Variants in CLASP2 observed in about 807,000 individuals in gnomAD.
CLASP2 encodes CLIP-associating protein 2.
Under a neutral mutation model 194.4 loss-of-function variants are expected in CLASP2, and 47 were observed. That is an observed-to-expected ratio of 0.24 (90% CI 0.19 to 0.31). CLASP2 has a LOEUF of 0.31. Ranked by LOEUF, CLASP2 falls within the 10% of genes least tolerant of loss-of-function variation. The pLI, the probability that CLASP2 is intolerant of heterozygous loss-of-function variation, is 1.00. For missense variants in CLASP2, 1,445 were observed against 1,823.6 expected (o/e 0.79, Z 3.78); for synonymous variants, 619 against 633.5 (o/e 0.98, Z 0.34).
chr3:33,596,136 T>A lies in CLASP2; in HGVS notation c.1948+575A>T, dbSNP rs1228999740. Reference sequence around the variant, plus strand: ...ACTATCTAGTATCAGACAAAAAATATCATACAGGGTTGTTACTGAACCAAG... The same window carrying A: ...ACTATCTAGTATCAGACAAAAAATAACATACAGGGTTGTTACTGAACCAAG... On this transcript the variant is annotated intron_variant, in intron 19 of 38. Transcript: ENST00000682230. Among the ~76,000 whole-genome samples the A allele has an allele frequency of 2.6e-5, 4 of 151,854 alleles. No individual in the cohort carries two copies. In the South Asian group the frequency reaches 6.2e-4, roughly 24 times the overall value.
chr3:33,573,181 A>G lies in CLASP2; in HGVS notation c.2628T>C (p.Ser876=). The G allele has an allele frequency of 6.2e-7, 1 of 1,613,890 alleles. No homozygotes were observed. The change falls in exon 25 of 39, where the codon AGT becomes AGC. Residue 876 remains serine (S), a synonymous_variant. Coordinates refer to ENST00000682230, the MANE Select transcript of CLASP2 (RefSeq NM_001365631.1). ...DVAEVLNRCA[S]SNWSERKEGL... is the part of the protein sequence containing the mutation. ...CTTCTTTCCTTTCTGACCAATTGGA[A>G]CTAGCACATCTATTGAGGACTTCTG...
intron 34 of CLASP2, among the ~76,000 whole-genome samples, chr3:33,524,086 T>C (rs1378459700): frequency 6.6e-6 from 1 of 152,142 alleles, no homozygotes; most frequent in Non-Finnish European, 1.5e-5. Flanking sequence ...AAGTAAGTCC[T>C]TTCTTATCAG....
intron 35 of CLASP2, 92 bp from the exon 36 acceptor site, chr3:33,516,243 G>A: frequency 8.1e-7 from 1 of 1,227,464 alleles, no homozygotes. Flanking sequence ...CTTAATATTG[G>A]GGGAGGAGTT....
chr3:33,654,826 T>A (rs937750971), intron 7 of CLASP2, among the ~76,000 whole-genome samples: 2 of 152,142 alleles, frequency 1.3e-5, no homozygotes, highest in African/African-American at 4.8e-5. Context: ...ATAAAGTCAG[T>A]TCTATACAAA....
intron 7 of CLASP2, among the ~76,000 whole-genome samples, chr3:33,650,921 C>G (rs532277198): frequency 6.6e-6 from 1 of 152,338 alleles, no homozygotes; most frequent in African/African-American, 2.4e-5. Context: ...AATGACTTAT[C>G]TGCATGCCTG....
At chr3:33,573,639 T>C (rs1035192893) in intron 24 of CLASP2, among the ~76,000 whole-genome samples, 1 of 152,164 alleles carries the variant, frequency 6.6e-6, no homozygotes, top group Non-Finnish European at 1.5e-5. Flanking sequence ...AATGTGGGTT[T>C]TTCCTTTCCC....
chr3:33,607,520 G>A (rs2074148095), intron 14 of CLASP2, 59 bp from the exon 15 acceptor site: 1 of 1,187,612 alleles, frequency 8.4e-7, no homozygotes, highest in African/African-American at 1.5e-5. Context: ...ACCACAAATG[G>A]TACTTAAGGC....
rs946032757 is a variant in CLASP2 at position 33,698,607 on chromosome 3, C to A, written c.196-1674G>T. Among the ~76,000 whole-genome samples the A allele has an allele frequency of 2.6e-5, 4 of 152,142 alleles. No homozygotes were observed. In the South Asian group the frequency reaches 6.2e-4, roughly 24 times the overall value. On this transcript the variant is annotated intron_variant, in intron 1 of 38. Transcript: ENST00000682230. ...GAGTTGAGTAGAAACTTGAGGAAAA[C>A]CCTTCATAAAATTAACCAAGTGACA... is the stretch of plus-strand genomic sequence containing the variant.
chr3:33,621,095 C>T (rs1338132811), intron 11 of CLASP2, among the ~76,000 whole-genome samples: 1 of 151,666 alleles, frequency 6.6e-6, no homozygotes, highest in East Asian at 1.9e-4. Context: ...CCACTTCAGC[C>T]TCTGAAACTC....
intron 31 of CLASP2, among the ~76,000 whole-genome samples, chr3:33,544,495 C>A (rs1433200094): frequency 6.6e-6 from 1 of 152,124 alleles, no homozygotes. Flanking sequence ...CTAATGCACA[C>A]AAATTATAAT....
rs57940200 is a variant in CLASP2 at position 33,713,012 on chromosome 3, CAAAAAAAAAAAA to C, written c.195+4784_195+4795del. Reference sequence around the variant, plus strand: ...GGGCGACAAGAGCAAAACTCCACCTCAAAAAAAAAAAAAAAAAAAAAAAAAAAGAAAGTGTGA... The same window carrying C: ...GGGCGACAAGAGCAAAACTCCACCTCAAAAAAAAAAAAAAAGAAAGTGTGA... On this transcript the variant is annotated intron_variant, in intron 1 of 38. Transcript: ENST00000682230. 7.2e-4 allele frequency among the ~76,000 whole-genome samples: 34 copies of C among 47,006 alleles called. 1 individual carries two copies. The highest frequency in any genetic ancestry group is 6.9e-4 in the Admixed American group (3 of 4,362). The allele number at this position is 47,006 out of a possible 152,430, so 30.8% of individuals were successfully genotyped here. A position where few individuals can be genotyped will look rare whatever the true frequency, so the allele number is the denominator to read the frequency against.
At chr3:33,679,784 G>A (rs1189553149) in intron 6 of CLASP2, among the ~76,000 whole-genome samples, 2 of 152,130 alleles carry the variant, frequency 1.3e-5, no homozygotes, top group Non-Finnish European at 2.9e-5. Context: ...CTGCTGGTGG[G>A]AATACAAAAT....
chr3:33,652,754 A>G (rs966062896), intron 7 of CLASP2, among the ~76,000 whole-genome samples: 5 of 152,126 alleles, frequency 3.3e-5, no homozygotes, highest in African/African-American at 1.2e-4. Flanking sequence ...ATAGACACAT[A>G]AAACCAACAT....
intron 34 of CLASP2, among the ~76,000 whole-genome samples, chr3:33,526,013 G>C (rs1217739713): frequency 6.6e-6 from 1 of 151,978 alleles, no homozygotes; most frequent in Non-Finnish European, 1.5e-5. Context: ...CTGACCAGGG[G>C]GCGGAAGGGA....
intron 2 of CLASP2, among the ~76,000 whole-genome samples, chr3:33,692,183 T>C (rs1429055551): frequency 6.6e-6 from 1 of 151,934 alleles, no homozygotes; most frequent in African/African-American, 2.4e-5. Context: ...AAATAATAAA[T>C]AAATAAATAA....
chr3:33,612,560 C>A (rs1577190495), intron 12 of CLASP2, among the ~76,000 whole-genome samples: 1 of 152,144 alleles, frequency 6.6e-6, no homozygotes, highest in Non-Finnish European at 1.5e-5. Context: ...CTCTAGAATT[C>A]AAGTAGAAGT....
chr3:33,716,337 G>C (rs2093298491), intron 1 of CLASP2, among the ~76,000 whole-genome samples: 1 of 152,152 alleles, frequency 6.6e-6, no homozygotes, highest in African/African-American at 2.4e-5. Context: ...ACACAGCACC[G>C]AGTAGAAGTA....
At chr3:33,655,079 G>C (rs1383028297) in intron 7 of CLASP2, among the ~76,000 whole-genome samples, 1 of 151,956 alleles carries the variant, frequency 6.6e-6, no homozygotes, top group Non-Finnish European at 1.5e-5. Context: ...TAATAAATGA[G>C]GCTCAGAATC....
At chr3:33,676,787 T>G (rs1402750822) in intron 6 of CLASP2, among the ~76,000 whole-genome samples, 1 of 151,980 alleles carries the variant, frequency 6.6e-6, no homozygotes, top group African/African-American at 2.4e-5. Flanking sequence ...TGGGAGAAAA[T>G]TTTCGCAACC....
Sources: allele counts gnomAD v4.1 joint callset (sites outside exome capture counted in the v4.1 genomes callset), GRCh38; gene constraint gnomAD v4.1.1; transcripts MANE v1.5; gene names NCBI Gene and HGNC (gene_info 2026-07-23, HGNC 2026-07-21).